Variants in B3GALT1 observed in about 807,000 individuals in gnomAD.
The protein encoded by B3GALT1 is beta-1,3-galactosyltransferase 1.
B3GALT1 carries 10 observed loss-of-function variants against 23.2 expected under a neutral mutation model. The ratio of observed to expected loss-of-function variants is 0.43; its 90% CI spans 0.27 to 0.73. The LOEUF is 0.73. Among genes scored for constraint, B3GALT1 ranks in the 30% least tolerant of loss-of-function variants. The pLI, the probability that B3GALT1 is intolerant of heterozygous loss-of-function variation, is 0.21. For missense variants in B3GALT1, 299 were observed against 405.4 expected, an observed-to-expected ratio of 0.74 and a Z score of 2.25; for synonymous variants, 156 against 141.5, an observed-to-expected ratio of 1.10 and a Z score of -0.73.
intron 2 of B3GALT1, among the ~76,000 whole-genome samples, chr2:167,562,550 A>G (rs1394359173): frequency 2.6e-5 from 4 of 152,158 alleles, no homozygotes; most frequent in Admixed American, 2.0e-4. Flanking sequence ...TTGTATATCT[A>G]GAAAACCCCA....
chr2:167,369,734 G>T (rs182631842), intron 1 of B3GALT1, among the ~76,000 whole-genome samples: 340 of 152,264 alleles, frequency 2.2e-3, no homozygotes, highest in Non-Finnish European at 3.8e-3. Context: ...GGCATGTGCA[G>T]CAGCCAACAA....
At chr2:167,781,984 C>T (rs1688253709) in intron 3 of B3GALT1, among the ~76,000 whole-genome samples, 1 of 152,194 alleles carries the variant, frequency 6.6e-6, no homozygotes, top group Non-Finnish European at 1.5e-5. Flanking sequence ...CTCAAGCGAT[C>T]TGCCCGCCTC....
intron 2 of B3GALT1, among the ~76,000 whole-genome samples, chr2:167,550,650 C>CT (rs1298287597): frequency 1.3e-5 from 2 of 152,210 alleles, no homozygotes; most frequent in Non-Finnish European, 2.9e-5. Context: ...TGACTTCTCA[C>CT]TAGAGCCTAG....
At chr2:167,553,030 T>C (rs960450335) in intron 2 of B3GALT1, among the ~76,000 whole-genome samples, 1 of 152,186 alleles carries the variant, frequency 6.6e-6, no homozygotes, top group Non-Finnish European at 1.5e-5. Flanking sequence ...ATTTTATCCC[T>C]GATTATATAA....
intron 3 of B3GALT1, among the ~76,000 whole-genome samples, chr2:167,813,109 C>T (rs536501208): frequency 6.6e-6 from 1 of 151,672 alleles, no homozygotes; most frequent in African/African-American, 2.4e-5. Flanking sequence ...GTATCCCTAG[C>T]CCCTAGTAGA....
intron 3 of B3GALT1, among the ~76,000 whole-genome samples, chr2:167,657,006 C>T (rs1421425490): frequency 3.3e-5 from 5 of 151,854 alleles, no homozygotes; most frequent in African/African-American, 1.2e-4. Flanking sequence ...AAGAGGCATC[C>T]CTGAGAAGAG....
At chr2:167,403,020 ATGTT>A (rs1698217279) in intron 1 of B3GALT1, among the ~76,000 whole-genome samples, 1 of 149,616 alleles carries the variant, frequency 6.7e-6, no homozygotes, top group Non-Finnish European at 1.5e-5. Flanking sequence ...AAAGAGCACC[ATGTT>A]TGTTTATTTA....
intron 1 of B3GALT1, among the ~76,000 whole-genome samples, chr2:167,427,193 A>T (rs1041387853): frequency 2.6e-5 from 4 of 152,326 alleles, no homozygotes; most frequent in African/African-American, 7.2e-5. Context: ...TTAAGATAAT[A>T]AGGAAATTAG....
chr2:167,476,661 A>C (rs1000255235), intron 1 of B3GALT1, among the ~76,000 whole-genome samples: 2 of 152,210 alleles, frequency 1.3e-5, no homozygotes, highest in African/African-American at 4.8e-5. Flanking sequence ...AACAAACTAT[A>C]GATACTTCAT....
At chr2:167,827,671 C>A (rs1167781389) in intron 4 of B3GALT1, among the ~76,000 whole-genome samples, 1 of 152,142 alleles carries the variant, frequency 6.6e-6, no homozygotes, top group East Asian at 1.9e-4. Flanking sequence ...CATATGGCCT[C>A]GGATGCTCTA....
intron 2 of B3GALT1, among the ~76,000 whole-genome samples, chr2:167,585,307 C>T (rs1684568570): frequency 6.6e-6 from 1 of 152,138 alleles, no homozygotes; most frequent in Non-Finnish European, 1.5e-5. Context: ...ACAGAAAATT[C>T]ATGTCCAAAA....
At chr2:167,396,164 C>T (rs1213015027) in intron 1 of B3GALT1, among the ~76,000 whole-genome samples, 3 of 152,064 alleles carry the variant, frequency 2.0e-5, no homozygotes, top group African/African-American at 7.2e-5. Flanking sequence ...CCAAATAATT[C>T]CTCTGAAGAG....
intron 1 of B3GALT1, among the ~76,000 whole-genome samples, chr2:167,337,359 A>G (rs1025847197): frequency 2.0e-5 from 3 of 151,984 alleles, no homozygotes; most frequent in African/African-American, 7.2e-5. Flanking sequence ...TCACACACAC[A>G]CACTCTCACA....
intron 1 of B3GALT1, among the ~76,000 whole-genome samples, chr2:167,317,632 C>T (rs1696739821): frequency 6.6e-6 from 1 of 152,070 alleles, no homozygotes; most frequent in South Asian, 2.1e-4. Context: ...AGCATATATT[C>T]TTCCTTACAA....
chr2:167,576,173 A>G (rs551277443), intron 2 of B3GALT1, among the ~76,000 whole-genome samples: 5 of 151,798 alleles, frequency 3.3e-5, no homozygotes, highest in African/African-American at 4.8e-5. Context: ...TTATTTAAAC[A>G]CTGAATTAAG....
chr2:167,502,714 C>CTA (rs1307521494), intron 2 of B3GALT1, among the ~76,000 whole-genome samples: 1 of 152,176 alleles, frequency 6.6e-6, no homozygotes, highest in Non-Finnish European at 1.5e-5. Flanking sequence ...AACCACCTCC[C>CTA]ACTAGGCCCC....
intron 1 of B3GALT1, among the ~76,000 whole-genome samples, chr2:167,482,274 C>A (rs924580968): frequency 6.6e-6 from 1 of 152,018 alleles, no homozygotes; most frequent in Admixed American, 6.6e-5. Flanking sequence ...TTTGGCTACA[C>A]GGGGGCTTTC....
Position 167,634,484 on chromosome 2 carries a change from T to C in B3GALT1, c.-409-12425T>C, listed in dbSNP as rs758920494. 3.5e-4 allele frequency among the ~76,000 whole-genome samples: 53 copies of C among 151,640 alleles called. 1 individual carries two copies. Among genetic ancestry groups the C allele is most frequent in the Non-Finnish European group, 2.8e-4 (19 of 67,910 alleles). The stretch of plus-strand genomic sequence containing the variant: ...GAATAAAGAAGAAAAGAGAGAAGAA[T>C]CAAATAGACACAATAAAAAATGATA... On this transcript the variant is annotated intron_variant, in intron 2 of 4. Transcript: ENST00000392690.
intron 1 of B3GALT1, among the ~76,000 whole-genome samples, chr2:167,309,085 T>A (rs1208381984): frequency 6.6e-6 from 1 of 152,034 alleles, no homozygotes; most frequent in Non-Finnish European, 1.5e-5. Flanking sequence ...TGTTAAAAAA[T>A]TAACCCTATT....
Sources: allele counts gnomAD v4.1 joint callset (sites outside exome capture counted in the v4.1 genomes callset), GRCh38; gene constraint gnomAD v4.1.1; transcripts MANE v1.5; gene names NCBI Gene and HGNC (gene_info 2026-07-23, HGNC 2026-07-21).